Variants in ARHGAP15 observed in about 807,000 individuals in gnomAD.
ARHGAP15 encodes rho GTPase-activating protein 15.
ARHGAP15 carries 51 observed loss-of-function variants against 63.7 expected under a neutral mutation model. That is an observed-to-expected ratio of 0.80 (90% confidence interval 0.64 to 1.01). The LOEUF is 1.01. Ranked by LOEUF, ARHGAP15 falls within the 50% of genes least tolerant of loss-of-function variation. The probability of loss-of-function intolerance (pLI) is 0.00; values close to 1 mark genes in which losing one functional copy is unlikely to be tolerated. For missense variants in ARHGAP15, 560 were observed against 564.6 expected (o/e 0.99, Z 0.08); for synonymous variants, 191 against 193.8 (o/e 0.99, Z 0.12).
chr2:143,673,784 A>ATATATATATATATATATATATATATAT (rs71404481), intron 12 of ARHGAP15, among the ~76,000 whole-genome samples: 28 of 114,192 alleles, frequency 2.5e-4, no homozygotes, highest in Non-Finnish European at 4.2e-4. Context: ...ATATATATAT[A>ATATATATATATATATATATATATATAT]AACAACTCCT....
In ARHGAP15 at chr2:143,448,048, G is replaced by A. The variant is rs77914869; in HGVS notation, c.703+11006G>A. Among the ~76,000 whole-genome samples, 1,251 of 152,260 alleles carry A rather than the reference G, an allele frequency of 8.2e-3. 16 individuals carry two copies. Among genetic ancestry groups the A allele is most frequent in the African/African-American group, 0.029 (1,198 of 41,562 alleles). ...CTATGAAGGAGAATAAAAGGTTTAT[G>A]GAGTTTAATGCTGCTGTGGAACTCT... On this transcript the variant is annotated intron_variant, in intron 8 of 13. Transcript: ENST00000295095.
intron 8 of ARHGAP15, among the ~76,000 whole-genome samples, chr2:143,485,454 C>T (rs1692282686): frequency 1.3e-5 from 2 of 152,106 alleles, no homozygotes; most frequent in Non-Finnish European, 2.9e-5. Context: ...CACACATATG[C>T]TATAGATATA....
chr2:143,524,851 A>G (rs952089691), intron 10 of ARHGAP15, among the ~76,000 whole-genome samples: 1 of 152,250 alleles, frequency 6.6e-6, no homozygotes, highest in African/African-American at 2.4e-5. Flanking sequence ...GCATATGCAC[A>G]TGAATGTGTT....
chr2:143,734,426 C>G (rs1486714186), intron 13 of ARHGAP15, among the ~76,000 whole-genome samples: 1 of 152,148 alleles, frequency 6.6e-6, no homozygotes, highest in East Asian at 1.9e-4. Flanking sequence ...TATATTTTCA[C>G]TGTTTAAACA....
At chr2:143,531,699 A>G (rs1694531513) in intron 10 of ARHGAP15, among the ~76,000 whole-genome samples, 1 of 152,198 alleles carries the variant, frequency 6.6e-6, no homozygotes, top group African/African-American at 2.4e-5. Context: ...ATATACAGAT[A>G]TTGTGTCATT....
chr2:143,319,239 T>C (rs1301793983), intron 6 of ARHGAP15, among the ~76,000 whole-genome samples: 2 of 151,908 alleles, frequency 1.3e-5, no homozygotes, highest in Non-Finnish European at 2.9e-5. Flanking sequence ...TTTTTTTTTT[T>C]TTTAATATGG....
intron 2 of ARHGAP15, among the ~76,000 whole-genome samples, chr2:143,192,692 AG>A (rs1691728503): frequency 6.6e-6 from 1 of 152,220 alleles, no homozygotes; most frequent in African/African-American, 2.4e-5. Flanking sequence ...ACCTCCAGTC[AG>A]GGTTATTTCT....
chr2:143,601,384 TA>T (rs1179489753), intron 11 of ARHGAP15: 15 of 152,176 alleles, frequency 9.9e-5, no homozygotes, highest in Non-Finnish European at 1.6e-4. Flanking sequence ...TTTTGAAAGC[TA>T]AATGCTTTAT....
chr2:143,259,071 T>C (rs1377034134), intron 6 of ARHGAP15, among the ~76,000 whole-genome samples: 1 of 152,052 alleles, frequency 6.6e-6, no homozygotes, highest in Non-Finnish European at 1.5e-5. Context: ...TTTTCAAAAT[T>C]CCCATGCCCT....
rs188478799 is a variant in ARHGAP15, at chr2:143,536,282, G to A, written c.925+16918G>A. On this transcript the variant is annotated intron_variant, in intron 10 of 13. Coordinates refer to ENST00000295095, the MANE Select transcript of ARHGAP15 (RefSeq NM_018460.4). ...AGGTCAACCTTTTTGAATTCCACAT[G>A]TGAGTGAGATCATGCAATACGTATT... 1.9e-3 allele frequency among the ~76,000 whole-genome samples: 288 copies of A among 152,196 alleles called. 2 individuals are homozygous for A. Among genetic ancestry groups the A allele is most frequent in the African/African-American group, 6.7e-3 (279 of 41,528 alleles).
intron 12 of ARHGAP15, among the ~76,000 whole-genome samples, chr2:143,655,857 A>G (rs2105309472): frequency 6.6e-6 from 1 of 152,316 alleles, no homozygotes; most frequent in African/African-American, 2.4e-5. Context: ...CAAAAGGAGA[A>G]CAAGACAACT....
In ARHGAP15 at chr2:143,437,323, A is replaced by G. The variant is rs905833654; in HGVS notation, c.703+281A>G. ...AATAGCCATGGTGTTCAGATCAGTG[A>G]TTGATTTTGAGAGTGGGAAATGTCA... On this transcript the variant is annotated intron_variant, in intron 8 of 13. Transcript: ENST00000295095. 11 of 298,192 alleles carry G rather than the reference A, an allele frequency of 3.7e-5. No homozygotes were observed. In the East Asian group the frequency reaches 7.7e-4, roughly 21 times the overall value. The allele number at this position is 298,192 out of a possible 1,614,324, so 18.5% of individuals were successfully genotyped here.
At chr2:143,521,892 A>G (rs757034336) in intron 10 of ARHGAP15, 6 of 152,138 alleles carry the variant, frequency 3.9e-5, no homozygotes, top group Non-Finnish European at 7.4e-5. Flanking sequence ...AAACATTATC[A>G]GGAAGGCAGA....
chr2:143,304,282 G>T (rs981120101), intron 6 of ARHGAP15, among the ~76,000 whole-genome samples: 2 of 152,018 alleles, frequency 1.3e-5, no homozygotes, highest in Non-Finnish European at 2.9e-5. Flanking sequence ...CCATAAAAAA[G>T]GATGAGTTCA....
chr2:143,338,243 TA>T (rs1684895581), intron 6 of ARHGAP15, among the ~76,000 whole-genome samples: 1 of 152,188 alleles, frequency 6.6e-6, no homozygotes, highest in Non-Finnish European at 1.5e-5. Context: ...AGTGATTAAG[TA>T]CTGTAGTAAC....
chr2:143,401,431 G>T (rs1687983364), intron 6 of ARHGAP15, among the ~76,000 whole-genome samples: 1 of 151,900 alleles, frequency 6.6e-6, no homozygotes. Flanking sequence ...ATCATTCCAT[G>T]TGGGAATATT....
At chr2:143,385,434 AG>A (rs749231420) in intron 6 of ARHGAP15, among the ~76,000 whole-genome samples, 5 of 152,152 alleles carry the variant, frequency 3.3e-5, no homozygotes, top group African/African-American at 4.8e-5. Context: ...TAAACTTATA[AG>A]TGAAGGCATA....
intron 6 of ARHGAP15, among the ~76,000 whole-genome samples, chr2:143,341,787 A>G (rs748356250): frequency 6.6e-6 from 1 of 152,154 alleles, no homozygotes; most frequent in South Asian, 2.1e-4. Flanking sequence ...TAAAGTTAGT[A>G]GACCCACATT....
At chr2:143,345,877 C>G (rs889378753) in intron 6 of ARHGAP15, among the ~76,000 whole-genome samples, 1 of 151,914 alleles carries the variant, frequency 6.6e-6, no homozygotes, top group Non-Finnish European at 1.5e-5. Flanking sequence ...GTGGCTTTTG[C>G]CATCTCAGTG....
Sources: allele counts gnomAD v4.1 joint callset (sites outside exome capture counted in the v4.1 genomes callset), GRCh38; gene constraint gnomAD v4.1.1; transcripts MANE v1.5; gene names NCBI Gene and HGNC (gene_info 2026-07-23, HGNC 2026-07-21).